NKAIN3: variants seen among roughly 807,000 people sequenced by gnomAD.
NKAIN3 encodes the protein sodium/potassium-transporting ATPase subunit beta-1-interacting protein 3.
Under a neutral mutation model 30.2 loss-of-function variants are expected in NKAIN3, and 25 were observed. The observed-to-expected ratio is 0.83, with a 90% CI of 0.60 to 1.16. NKAIN3 has a LOEUF of 1.16. Among genes scored for constraint, NKAIN3 ranks in the 50% most tolerant of loss-of-function variants. The pLI, the probability that NKAIN3 is intolerant of heterozygous loss-of-function variation, is 0.00. For missense variants in NKAIN3, 225 were observed against 254.1 expected (o/e 0.89, Z 0.78); for synonymous variants, 91 against 89.6 (o/e 1.02, Z -0.09).
chr8:62,814,683 C>T (rs377247417), intron 4 of NKAIN3, among the ~76,000 whole-genome samples: 7 of 151,978 alleles, frequency 4.6e-5, no homozygotes, highest in Non-Finnish European at 7.4e-5. Context: ...TTGAAACCAA[C>T]GAGAACAAAG....
intron 1 of NKAIN3, among the ~76,000 whole-genome samples, chr8:62,432,345 A>G (rs936053060): frequency 2.2e-4 from 34 of 152,096 alleles, no homozygotes; most frequent in African/African-American, 7.5e-4. Flanking sequence ...GAGGAACTTC[A>G]AGAAATGAGG....
At chr8:62,528,320 A>AT (rs1563441445) in intron 1 of NKAIN3, among the ~76,000 whole-genome samples, 3 of 64,916 alleles carry the variant, frequency 4.6e-5, no homozygotes, top group African/African-American at 2.1e-4. Flanking sequence ...TATATATATT[A>AT]TATAATATAT....
chr8:62,324,056 G>A (rs1057499244), intron 1 of NKAIN3, among the ~76,000 whole-genome samples: 1 of 151,916 alleles, frequency 6.6e-6, no homozygotes, highest in African/African-American at 2.4e-5. Context: ...ACTTACCTTT[G>A]TCAGAACCCA....
intron 6 of NKAIN3, among the ~76,000 whole-genome samples, chr8:62,955,401 T>C (rs1231970364): frequency 6.6e-6 from 1 of 152,128 alleles, no homozygotes; most frequent in African/African-American, 2.4e-5. Flanking sequence ...TCAGGGATTG[T>C]GACAATAATC....
intron 4 of NKAIN3, among the ~76,000 whole-genome samples, chr8:62,915,402 A>G (rs1822064469): frequency 6.6e-6 from 1 of 152,168 alleles, no homozygotes; most frequent in Non-Finnish European, 1.5e-5. Flanking sequence ...CTGAGACAGA[A>G]TCAGTAGCTA....
chr8:62,963,134 C>G (rs1823618216), intron 6 of NKAIN3, among the ~76,000 whole-genome samples: 1 of 152,166 alleles, frequency 6.6e-6, no homozygotes, highest in Non-Finnish European at 1.5e-5. Context: ...CTCGGGTGAT[C>G]CACCAGACTC....
intron 4 of NKAIN3, among the ~76,000 whole-genome samples, chr8:62,750,159 G>A (rs547295758): frequency 1.3e-5 from 2 of 151,978 alleles, no homozygotes; most frequent in Non-Finnish European, 2.9e-5. Context: ...GCAGGGGCTC[G>A]GCGGCTCTGC....
intron 1 of NKAIN3, among the ~76,000 whole-genome samples, chr8:62,315,704 A>G (rs1383644160): frequency 1.3e-5 from 2 of 152,184 alleles, no homozygotes; most frequent in Non-Finnish European, 2.9e-5. Context: ...AAATGCAGTA[A>G]CTTTGCAAAA....
intron 1 of NKAIN3, among the ~76,000 whole-genome samples, chr8:62,474,871 G>A (rs1585848736): frequency 1.3e-5 from 2 of 152,024 alleles, no homozygotes; most frequent in South Asian, 2.1e-4. Flanking sequence ...AATATAAAAG[G>A]TTATTTTTTC....
intron 1 of NKAIN3, among the ~76,000 whole-genome samples, chr8:62,385,555 A>C (rs190302415): frequency 1.3e-5 from 2 of 152,234 alleles, no homozygotes; most frequent in African/African-American, 4.8e-5. Context: ...TATATTCAAG[A>C]AAATTTACTC....
At chr8:62,487,602 T>C (rs1211659298) in intron 1 of NKAIN3, among the ~76,000 whole-genome samples, 2 of 152,244 alleles carry the variant, frequency 1.3e-5, no homozygotes, top group Non-Finnish European at 1.5e-5. Flanking sequence ...GCCTTAATGT[T>C]ACTTTCTTTT....
intron 6 of NKAIN3, among the ~76,000 whole-genome samples, chr8:62,956,890 G>A (rs556768166): frequency 1.3e-5 from 2 of 152,156 alleles, no homozygotes; most frequent in Non-Finnish European, 2.9e-5. Context: ...TGCGGGAGGG[G>A]GAATGGTTAA....
intron 1 of NKAIN3, among the ~76,000 whole-genome samples, chr8:62,562,631 G>A (rs1022422952): frequency 6.6e-6 from 1 of 152,026 alleles, no homozygotes; most frequent in African/African-American, 2.4e-5. Context: ...GTAGTTGATG[G>A]TGTTAACCTA....
At chr8:62,566,216 T>A (rs1809745583) in intron 1 of NKAIN3, among the ~76,000 whole-genome samples, 1 of 152,210 alleles carries the variant, frequency 6.6e-6, no homozygotes, top group Admixed American at 6.5e-5. Context: ...AGCAGCCTCT[T>A]TGTAAAGGTG....
At chr8:62,674,956 G>C (rs910696324) in intron 3 of NKAIN3, among the ~76,000 whole-genome samples, 14 of 152,272 alleles carry the variant, frequency 9.2e-5, no homozygotes, top group Admixed American at 7.2e-4. Flanking sequence ...CCAAATCTTA[G>C]ACTAAATTGT....
intron 4 of NKAIN3, among the ~76,000 whole-genome samples, chr8:62,762,982 G>A (rs1010844561): frequency 1.3e-4 from 20 of 151,902 alleles, no homozygotes; most frequent in South Asian, 8.3e-4. Flanking sequence ...CCAGCACTTC[G>A]GAGGCCAAGG....
intron 1 of NKAIN3, among the ~76,000 whole-genome samples, chr8:62,434,608 G>C (rs982085024): frequency 6.6e-6 from 1 of 152,054 alleles, no homozygotes; most frequent in Non-Finnish European, 1.5e-5. Flanking sequence ...CTGACACAGG[G>C]AATTAAACAA....
At chr8:62,784,074 T>C (rs1209086998) in intron 4 of NKAIN3, among the ~76,000 whole-genome samples, 1 of 151,970 alleles carries the variant, frequency 6.6e-6, no homozygotes, top group Admixed American at 6.6e-5. Flanking sequence ...CATAAGAACA[T>C]TGAATAGAAC....
chr8:62,799,812 C>G (rs1817994982), intron 4 of NKAIN3, among the ~76,000 whole-genome samples: 1 of 152,068 alleles, frequency 6.6e-6, no homozygotes, highest in South Asian at 2.1e-4. Flanking sequence ...CATCAATCCA[C>G]CAACGAGTGG....
Sources: gnomAD v4.1 joint callset for allele counts (sites outside exome capture counted in the v4.1 genomes callset) on GRCh38, gnomAD v4.1.1 for gene constraint, MANE v1.5 for transcripts, NCBI Gene and HGNC (gene_info 2026-07-23, HGNC 2026-07-21) for gene names.